Variants in MKRN2 observed in about 807,000 individuals in gnomAD.
MKRN2 encodes E3 ubiquitin-protein ligase makorin-2.
Under a neutral mutation model 45.4 loss-of-function variants are expected in MKRN2, and 32 were observed. That is an observed-to-expected ratio of 0.70 (90% CI 0.53 to 0.95). The LOEUF is 0.95. Ranked by LOEUF, MKRN2 falls within the 40% of genes least tolerant of loss-of-function variation. The probability of loss-of-function intolerance (pLI) is 0.00; values close to 1 mark genes in which losing one functional copy is unlikely to be tolerated. For missense variants in MKRN2, 526 were observed against 536.7 expected, an observed-to-expected ratio of 0.98 and a Z score of 0.20; for synonymous variants, 206 against 192.4, an observed-to-expected ratio of 1.07 and a Z score of -0.59.
In MKRN2 at chr3:12,583,064, T is replaced by G. The variant is rs1405958524; in HGVS notation, c.*811T>G. The G allele has an allele frequency of 6.6e-6, 1 of 152,336 alleles. No homozygotes were observed. The highest frequency in any genetic ancestry group is 1.9e-4 in the East Asian group (1 of 5,188). 9.4% of individuals were successfully genotyped at this position (152,336 alleles called of 1,614,324 possible). ...TTCTTGCCCATCAGGGTAATTGTAT[T>G]GAGAACTCAAATATACGTGCACTTA... On this transcript the variant is annotated 3_prime_UTR_variant, in exon 8 of 8. Transcript: ENST00000170447.
At chr3:12,559,404 G>A (rs2058016561) in intron 1 of MKRN2, among the ~76,000 whole-genome samples, 1 of 152,096 alleles carries the variant, frequency 6.6e-6, no homozygotes, top group African/African-American at 2.4e-5. Context: ...CCAGATCTAA[G>A]CAGCGTGTGC....
intron 6 of MKRN2, among the ~76,000 whole-genome samples, chr3:12,579,411 C>A (rs1220344628): frequency 6.6e-6 from 1 of 152,166 alleles, no homozygotes; most frequent in Admixed American, 6.5e-5. Context: ...AGATGATCTA[C>A]CCACCTCAGC....
intron 6 of MKRN2, among the ~76,000 whole-genome samples, chr3:12,580,787 G>A (rs1297911708): frequency 6.6e-6 from 1 of 152,200 alleles, no homozygotes; most frequent in Non-Finnish European, 1.5e-5. Flanking sequence ...CTGCTATGAA[G>A]CCGTCCTCAG....
chr3:12,580,025 C>A (rs898846231), intron 6 of MKRN2, among the ~76,000 whole-genome samples: 3 of 152,126 alleles, frequency 2.0e-5, no homozygotes, highest in African/African-American at 7.2e-5. Flanking sequence ...CAGGCAGGCC[C>A]CAGAGGCTTC....
At chr3:12,567,473 T>G (rs1575518372) in intron 1 of MKRN2, among the ~76,000 whole-genome samples, 1 of 145,568 alleles carries the variant, frequency 6.9e-6, no homozygotes, top group African/African-American at 2.6e-5. Flanking sequence ...TTGCCCTGGC[T>G]AGTTTATCTT....
At chr3:12,574,402 G>C (rs1401700138) in intron 4 of MKRN2, among the ~76,000 whole-genome samples, 1 of 152,196 alleles carries the variant, frequency 6.6e-6, no homozygotes, top group Non-Finnish European at 1.5e-5. Flanking sequence ...TGGTAAGGAC[G>C]AGTCAGCATC....
At chr3:12,561,747 C>T (rs143226427) in intron 1 of MKRN2, among the ~76,000 whole-genome samples, 306 of 152,110 alleles carry the variant, frequency 2.0e-3, no homozygotes, top group African/African-American at 7.1e-3. Context: ...ACCTCTTTGT[C>T]ATTCAGACTT....
chr3:12,565,524 C>CTTTT lies in MKRN2; in HGVS notation c.27-3327_27-3324dup, dbSNP rs10598451. On this transcript the variant is annotated intron_variant, in intron 1 of 7. Coordinates refer to ENST00000170447, the MANE Select transcript of MKRN2 (RefSeq NM_014160.5). ...TGAAAAGATTCTTTCCCCAACTTAC[C>CTTTT]TTTTTTTTTTTTTTTTTTTTTTTTT... is the stretch of plus-strand genomic sequence containing the variant. 2.7e-4 allele frequency among the ~76,000 whole-genome samples: 25 copies of CTTTT among 91,996 alleles called. 3 individuals are homozygous for CTTTT. The highest frequency in any genetic ancestry group is 7.0e-4 in the African/African-American group (15 of 21,298). 60.4% of individuals were successfully genotyped at this position (91,996 alleles called of 152,430 possible).
chr3:12,558,827 T>G (rs146503238), intron 1 of MKRN2, among the ~76,000 whole-genome samples: 22 of 152,322 alleles, frequency 1.4e-4, no homozygotes, highest in African/African-American at 4.1e-4. Context: ...TTTAAGTGTT[T>G]AGTCATGTTT....
At chr3:12,560,705 T>A (rs955634282) in intron 1 of MKRN2, 1 of 152,256 alleles carries the variant, frequency 6.6e-6, no homozygotes, top group Non-Finnish European at 1.5e-5. Flanking sequence ...AACAGTCTTT[T>A]GGGTTTACCC....
rs765153916 is a variant in MKRN2 at position 12,583,484 on chromosome 3, C to T, written c.*1231C>T. 4.4e-5 allele frequency: 9 copies of T among 204,742 alleles called. No homozygotes were observed. The highest frequency in any genetic ancestry group is 7.0e-5 in the Non-Finnish European group (7 of 100,236). 12.7% of individuals were successfully genotyped at this position (204,742 alleles called of 1,614,324 possible). A position where few individuals can be genotyped will look rare whatever the true frequency, so the allele number is the denominator to read the frequency against. On this transcript the variant is annotated 3_prime_UTR_variant, in exon 8 of 8. Coordinates refer to ENST00000170447, the MANE Select transcript of MKRN2 (RefSeq NM_014160.5). Reference sequence around the variant, plus strand: ...AAAGGTTAAATTACAAATTCATTCCCAGCCTAGGCTCTGGGCACATTTCCT... The same window carrying T: ...AAAGGTTAAATTACAAATTCATTCCTAGCCTAGGCTCTGGGCACATTTCCT...
intron 1 of MKRN2, among the ~76,000 whole-genome samples, chr3:12,565,124 C>A (rs2058061687): frequency 6.6e-6 from 1 of 152,172 alleles, no homozygotes; most frequent in Non-Finnish European, 1.5e-5. Flanking sequence ...TTTTCATTTT[C>A]TTGGGTACAT....
At chr3:12,572,704 C>G (rs1187825286) in intron 4 of MKRN2, among the ~76,000 whole-genome samples, 2 of 151,898 alleles carry the variant, frequency 1.3e-5, no homozygotes, top group Non-Finnish European at 2.9e-5. Flanking sequence ...CTGCCTCAGC[C>G]CCACCGAGTA....
chr3:12,573,515 TA>T (rs35677452), intron 4 of MKRN2, among the ~76,000 whole-genome samples: 31,474 of 151,562 alleles, frequency 0.21, 3,764 homozygotes, highest in African/African-American at 0.32. Context: ...GCCTGGGCAA[TA>T]AGAGTGAGAC....
chr3:12,569,519 A>C (rs929885852), intron 2 of MKRN2, among the ~76,000 whole-genome samples: 1 of 152,208 alleles, frequency 6.6e-6, no homozygotes, highest in Non-Finnish European at 1.5e-5. Flanking sequence ...TAGTTATAAA[A>C]TTGTACACAA....
intron 1 of MKRN2, among the ~76,000 whole-genome samples, chr3:12,560,127 C>T (rs2058024228): frequency 6.6e-6 from 1 of 152,164 alleles, no homozygotes; most frequent in South Asian, 2.1e-4. Flanking sequence ...ATAATAGCAA[C>T]AAACCATTTA....
At chr3:12,575,693 A>G (rs2058130416) in intron 5 of MKRN2, among the ~76,000 whole-genome samples, 3 of 152,178 alleles carry the variant, frequency 2.0e-5, no homozygotes, top group Non-Finnish European at 4.4e-5. Context: ...ATAAAAGCCC[A>G]CAATTTAACT....
At position 12,582,911 on chromosome 3, in the gene MKRN2, A is replaced by AGG. The variant is rs2058195963; in HGVS notation, c.*660_*661dup. 1 of 152,506 alleles carries AGG rather than the reference A, an allele frequency of 6.6e-6. No homozygotes were observed. The highest frequency in any genetic ancestry group is 2.4e-5 in the African/African-American group (1 of 41,458). 9.4% of individuals were successfully genotyped at this position (152,506 alleles called of 1,614,324 possible). On this transcript the variant is annotated 3_prime_UTR_variant, in exon 8 of 8. Transcript: ENST00000170447. Reference sequence around the variant, plus strand: ...GGAAGTATAGATCTTCTTCTCCCTTAGGGAGGCTCTTGAAGGAGCAGGAGG... The same window carrying AGG: ...GGAAGTATAGATCTTCTTCTCCCTTAGGGGGAGGCTCTTGAAGGAGCAGGAGG...
chr3:12,568,963 T>C lies in MKRN2; in HGVS notation c.115T>C (p.Tyr39His). The C allele has an allele frequency of 2.5e-6, 4 of 1,614,146 alleles. No homozygotes were observed. The highest frequency in any genetic ancestry group is 3.4e-6 in the Non-Finnish European group (4 of 1,180,024). ...CAGCAAACCGTCCACCATCTGCAAG[T>C]ACTACCAGAAGGGCTACTGTGCCTA... is the stretch of plus-strand genomic sequence containing the variant. Reference protein sequence around the residue: ...ANSKPSTICKYYQKGYCAYGT... With the variant: ...ANSKPSTICKHYQKGYCAYGT... The change falls in exon 2 of 8, where the codon TAC becomes CAC. Residue 39 changes from tyrosine to histidine, a missense_variant. Tyr to His is a moderately conservative substitution (Grantham distance 83, BLOSUM62 2). Coordinates refer to ENST00000170447, the MANE Select transcript of MKRN2 (RefSeq NM_014160.5).
Sources: allele counts gnomAD v4.1 joint callset (sites outside exome capture counted in the v4.1 genomes callset), GRCh38; gene constraint gnomAD v4.1.1; transcripts MANE v1.5; gene names NCBI Gene and HGNC (gene_info 2026-07-23, HGNC 2026-07-21).